Variants in C14orf93 observed in about 807,000 individuals in gnomAD.
C14orf93 encodes the protein uncharacterized protein C14orf93.
In C14orf93, 23 loss-of-function variants were observed where a neutral mutation model predicts 44.0. That is an observed-to-expected ratio of 0.52 (90% CI 0.38 to 0.74). The LOEUF is 0.74. Ranked by LOEUF, C14orf93 falls within the 30% of genes least tolerant of loss-of-function variation. C14orf93 has a pLI of 0.00. For missense variants in C14orf93, 579 were observed against 678.9 expected, an observed-to-expected ratio of 0.85 and a Z score of 1.64; for synonymous variants, 253 against 265.7, an observed-to-expected ratio of 0.95 and a Z score of 0.46.
intron 5 of C14orf93, among the ~76,000 whole-genome samples, chr14:22,989,191 C>A (rs894661579): frequency 2.0e-5 from 3 of 152,148 alleles, no homozygotes; most frequent in African/African-American, 7.2e-5. Flanking sequence ...TTGGGTTTCG[C>A]CATGTTGCCC....
Position 22,998,678 on chromosome 14 carries a change from C to A in C14orf93, c.346G>T (p.Ala116Ser). 6.2e-7 allele frequency: 1 copy of A among 1,614,192 alleles called. No homozygotes were observed. Among genetic ancestry groups the A allele is most frequent in the Non-Finnish European group, 8.5e-7 (1 of 1,180,010 alleles). Residue 116 changes from alanine to serine, a missense_variant, in exon 2 of 7, where the codon GCA becomes TCA. Physicochemically the swap from Ala to Ser is moderately conservative, Grantham distance 99. Coordinates refer to ENST00000299088, the MANE Select transcript of C14orf93 (RefSeq NM_021944.4). The part of the protein sequence containing the change: ...SIPDEDGESR[A>S]HSSPPEEPGP... The stretch of plus-strand genomic sequence containing the variant: ...GGCTCCTCAGGTGGGGAACTATGTG[C>A]CCGGCTTTCCCCATCTTCATCAGGG...
In C14orf93 at chr14:22,986,756, C is replaced by T. The variant is rs543798218; in HGVS notation, c.*459G>A. 122 of 162,992 alleles carry T rather than the reference C, an allele frequency of 7.5e-4. 1 individual carries two copies. The highest frequency in any genetic ancestry group is 2.8e-3 in the African/African-American group (118 of 41,724). The allele number at this position is 162,992 out of a possible 1,614,324, so 10.1% of individuals were successfully genotyped here. On this transcript the variant is annotated 3_prime_UTR_variant, in exon 7 of 7. Coordinates refer to ENST00000299088, the MANE Select transcript of C14orf93 (RefSeq NM_021944.4). ...ATGACTGAAACTGCCCACCAGGTGG[C>T]GGTATTAACCTGCACTGGTCATGTT...
chr14:22,987,398 G>A lies in C14orf93; in HGVS notation c.1434C>T (p.Asp478=). Residue 478 remains aspartate, a synonymous_variant, in exon 7 of 7, where the codon GAC becomes GAT. Transcript: ENST00000299088. This position sits in a 1 kb window ranked among gnomAD's most constrained non-coding sequence, Gnocchi z 5.6. ...KANRVYGPPS[D]RLPSAEAQLL... is the part of the protein sequence containing the mutation. ...GCTGGGCTTCAGCAGAAGGCAGTCT[G>A]TCTGAGGGAGGCCCATACACACGGT... 1 of 1,614,262 alleles carries A rather than the reference G, an allele frequency of 6.2e-7. No homozygotes were observed. The highest frequency in any genetic ancestry group is 1.1e-5 in the South Asian group (1 of 91,088).
At chr14:22,991,994 C>G (rs562029049) in intron 3 of C14orf93, among the ~76,000 whole-genome samples, 9 of 152,296 alleles carry the variant, frequency 5.9e-5, no homozygotes, top group Non-Finnish European at 1.3e-4. Context: ...GTCTGAAAAA[C>G]AGAAATCTAA....
At chr14:22,990,237 T>A in intron 3 of C14orf93, 110 bp from the exon 4 acceptor site, 2 of 889,048 alleles carry the variant, frequency 2.2e-6, no homozygotes, top group Non-Finnish European at 1.7e-6. Flanking sequence ...TCTGCCTGAA[T>A]CCTTTCTAAG....
intron 1 of C14orf93, among the ~76,000 whole-genome samples, chr14:23,003,214 T>G (rs2046397195): frequency 6.6e-6 from 1 of 152,200 alleles, no homozygotes; most frequent in South Asian, 2.1e-4. Context: ...ATAGGTGTTT[T>G]CCTGAATTAA....
At chr14:22,993,482 G>T (rs575755454) in intron 3 of C14orf93, among the ~76,000 whole-genome samples, 1 of 152,226 alleles carries the variant, frequency 6.6e-6, no homozygotes, top group South Asian at 2.1e-4. Flanking sequence ...CCTCTTAGTA[G>T]TCCACACTTA....
Position 22,998,697 on chromosome 14 carries a change from A to T in C14orf93, c.327T>A (p.Asp109Glu). ...TATGTGCCCGGCTTTCCCCATCTTCATCAGGGATGGACACTTTCCCTTGCC... is the reference window on the plus strand; with the variant it reads ...TATGTGCCCGGCTTTCCCCATCTTCTTCAGGGATGGACACTTTCCCTTGCC... ...DLRQGKVSIP[D>E]EDGESRAHSS... The change falls in exon 2 of 7, where the codon GAT becomes GAA. Residue 109 changes from aspartate (D) to glutamate (E), a missense_variant. Transcript: ENST00000299088. The T allele has an allele frequency of 1.9e-6, 3 of 1,614,222 alleles. No homozygotes were observed. The highest frequency in any genetic ancestry group is 2.5e-6 in the Non-Finnish European group (3 of 1,180,024).
In C14orf93 at chr14:22,989,822, G is replaced by A; in HGVS notation, c.1004C>T (p.Ser335Leu). ...SESIKSSWNI[S>L]VVKFLLEKLK... ...CTTTTCCAGAAGAAACTTCACTACT[G>A]AAATATTCCAAGAGGACTTGATGCT... The change falls in exon 5 of 7, where the codon TCA (serine) becomes TTA (leucine). Residue 335 changes from serine to leucine, a missense_variant. Ser to Leu is a moderately radical substitution (Grantham distance 145, BLOSUM62 -2). Transcript: ENST00000299088. The A allele has an allele frequency of 6.2e-7, 1 of 1,614,002 alleles. No homozygotes were observed. The highest frequency in any genetic ancestry group is 1.1e-5 in the South Asian group (1 of 91,078).
rs2045470099 is a variant in C14orf93 at position 22,989,650 on chromosome 14, C to T, written c.1084+92G>A. 3 of 913,224 alleles carry T rather than the reference C, an allele frequency of 3.3e-6. No homozygotes were observed. In the Admixed American group the frequency reaches 6.3e-5, roughly 19 times the overall value. The allele number at this position is 913,224 out of a possible 1,614,324, so 56.6% of individuals were successfully genotyped here. ...ACTATTTTCAAAACCACCTAATCATCTCTATTATTCCTCTTCTCCTCTGAC... is the reference window on the plus strand; with the variant it reads ...ACTATTTTCAAAACCACCTAATCATTTCTATTATTCCTCTTCTCCTCTGAC... On this transcript the variant is annotated intron_variant, in intron 5 of 6. Transcript: ENST00000299088.
At chr14:23,003,215 C>G (rs1256615652) in intron 1 of C14orf93, among the ~76,000 whole-genome samples, 3 of 152,142 alleles carry the variant, frequency 2.0e-5, no homozygotes, top group Non-Finnish European at 4.4e-5. Context: ...TAGGTGTTTT[C>G]CTGAATTAAT....
Position 22,987,284 on chromosome 14 carries a change from G to A in C14orf93, c.1548C>T (p.Asp516=). ...DENAPGSPSF[D]QPHKTCCPDL... ...CAGGACAGCAGGTTTTGTGGGGTTGGTCAAAAGATGGGGAGCCAGGTGCAT... is the reference window on the plus strand; with the variant it reads ...CAGGACAGCAGGTTTTGTGGGGTTGATCAAAAGATGGGGAGCCAGGTGCAT... Residue 516 remains aspartate (D), a synonymous_variant, in exon 7 of 7, where the codon GAC becomes GAT. Transcript: ENST00000299088. This position sits in a 1 kb window ranked among gnomAD's most constrained non-coding sequence, Gnocchi z 5.6. 6.2e-7 allele frequency: 1 copy of A among 1,614,226 alleles called. No individual in the cohort carries two copies. Among genetic ancestry groups the A allele is most frequent in the Admixed American group, 1.7e-5 (1 of 60,020 alleles).
chr14:22,996,381 A>G lies in C14orf93; in HGVS notation c.598-113T>C. 4 of 1,075,004 alleles carry G rather than the reference A, an allele frequency of 3.7e-6. No homozygotes were observed. In the South Asian group the frequency reaches 5.0e-5, roughly 13 times the overall value. The allele number at this position is 1,075,004 out of a possible 1,614,324, so 66.6% of individuals were successfully genotyped here. On this transcript the variant is annotated intron_variant, in intron 2 of 6. Transcript: ENST00000299088. The surrounding 1 kb of genome is among the most constrained non-coding windows in gnomAD (Gnocchi z 4.1). ...AGAAAGTGGAAAGAAGGGGAACTCT[A>G]GCACAGTCTTTAATGGTCAATGGCT...
Position 22,987,628 on chromosome 14 carries a change from C to A in C14orf93, c.1204G>T (p.Ala402Ser). 6.3e-7 allele frequency: 1 copy of A among 1,582,744 alleles called. No individual in the cohort carries two copies. Among genetic ancestry groups the A allele is most frequent in the Admixed American group, 1.8e-5 (1 of 55,376 alleles). Residue 402 changes from alanine to serine, a missense_variant, in exon 7 of 7, where the codon GCC (alanine) becomes TCC (serine). Transcript: ENST00000299088. The surrounding 1 kb of genome is among the most constrained non-coding windows in gnomAD (Gnocchi z 5.6). ...KLRSRRYRLF[A>S]NRSSIMRHFG... ...TGCCTCATGATACTGGATCGGTTGGCAAAAAGCTAAGGCAGGAACCCAGGA... is the reference window on the plus strand; with the variant it reads ...TGCCTCATGATACTGGATCGGTTGGAAAAAAGCTAAGGCAGGAACCCAGGA...
At chr14:22,990,484 T>C (rs1411944539) in intron 3 of C14orf93, among the ~76,000 whole-genome samples, 1 of 152,084 alleles carries the variant, frequency 6.6e-6, no homozygotes, top group Non-Finnish European at 1.5e-5. Flanking sequence ...CTTTTTTTTT[T>C]TTTGAGATGG....
intron 3 of C14orf93, among the ~76,000 whole-genome samples, chr14:22,993,459 C>T (rs576250993): frequency 3.2e-4 from 49 of 152,108 alleles, no homozygotes; most frequent in Non-Finnish European, 5.3e-4. Context: ...GCATATTCAA[C>T]ATAGTTATTT....
At position 22,987,040 on chromosome 14, in the gene C14orf93, A is replaced by G. The variant is rs1240851956; in HGVS notation, c.*175T>C. On this transcript the variant is annotated 3_prime_UTR_variant, in exon 7 of 7. Coordinates refer to ENST00000299088, the MANE Select transcript of C14orf93 (RefSeq NM_021944.4). This position sits in a 1 kb window ranked among gnomAD's most constrained non-coding sequence, Gnocchi z 5.6. ...GTGGAGGGAGTTTCTCCCCTTCTAGATAAGTTTTTATCCCACCAGTGTTCT... is the reference window on the plus strand; with the variant it reads ...GTGGAGGGAGTTTCTCCCCTTCTAGGTAAGTTTTTATCCCACCAGTGTTCT... 2.3e-5 allele frequency: 15 copies of G among 663,084 alleles called. No homozygotes were observed. The highest frequency in any genetic ancestry group is 9.0e-5 in the Admixed American group (3 of 33,414). 41.1% of individuals were successfully genotyped at this position (663,084 alleles called of 1,614,324 possible).
intron 1 of C14orf93, chr14:23,006,461 A>G (rs2046623020): frequency 1.3e-5 from 2 of 152,306 alleles, no homozygotes; most frequent in South Asian, 2.1e-4. Context: ...TGAAAATTCC[A>G]CGTATATTTC....
At chr14:22,999,596 C>T (rs2046193300) in intron 1 of C14orf93, among the ~76,000 whole-genome samples, 194 bp from the exon 2 acceptor site, 1 of 152,106 alleles carries the variant, frequency 6.6e-6, no homozygotes, top group East Asian at 1.9e-4. Flanking sequence ...AGAGAAGAGA[C>T]ATGTGGAGAA....
Sources: gnomAD v4.1 joint callset for allele counts (sites outside exome capture counted in the v4.1 genomes callset) on GRCh38, gnomAD v4.1.1 for gene constraint, Gnocchi (gnomAD v3.1) non-coding constraint, MANE v1.5 for transcripts, NCBI Gene and HGNC (gene_info 2026-07-23, HGNC 2026-07-21) for gene names.